PCDH15: variants seen among roughly 807,000 people sequenced by gnomAD.
The protein encoded by PCDH15 is protocadherin related 15.
In PCDH15, 129 loss-of-function variants were observed where a neutral mutation model predicts 178.5. That is an observed-to-expected ratio of 0.72 (90% CI 0.63 to 0.84). The LOEUF (loss-of-function observed/expected upper bound fraction) is 0.84, where lower values mean the gene tolerates loss of function less well. PCDH15 is among the 40% of genes least tolerant of loss of function. PCDH15 has a pLI of 0.00. For synonymous variants in PCDH15, 800 were observed against 732.0 expected (o/e 1.09, Z -1.50); for missense variants, 2,230 against 2,099.9 (o/e 1.06, Z -1.21).
intron 3 of PCDH15, among the ~76,000 whole-genome samples, chr10:54,525,453 C>T (rs564118444): frequency 4.6e-5 from 7 of 152,204 alleles, no homozygotes; most frequent in Non-Finnish European, 1.0e-4. Flanking sequence ...ATAAGTATTT[C>T]TTTTCTTTCT....
chr10:54,555,033 C>T (rs2087024259), intron 2 of PCDH15, among the ~76,000 whole-genome samples: 1 of 152,120 alleles, frequency 6.6e-6, no homozygotes, highest in Admixed American at 6.5e-5. Flanking sequence ...AGCTATTCTG[C>T]ACTAACTGTG....
chr10:55,126,042 C>G (rs1446611231), intron 2 of PCDH15, among the ~76,000 whole-genome samples: 1 of 152,010 alleles, frequency 6.6e-6, no homozygotes, highest in Non-Finnish European at 1.5e-5. Flanking sequence ...AGGGGATACT[C>G]ACAGGTCCCC....
chr10:54,002,443 CACAAA>C (rs931760887), intron 20 of PCDH15, among the ~76,000 whole-genome samples: 1 of 152,080 alleles, frequency 6.6e-6, no homozygotes, highest in African/African-American at 2.4e-5. Flanking sequence ...TACCTTAGGT[CACAAA>C]ACAAGTCTTA....
At chr10:54,334,324 C>G (rs1564995393) in intron 6 of PCDH15, among the ~76,000 whole-genome samples, 1 of 152,144 alleles carries the variant, frequency 6.6e-6, no homozygotes, top group Non-Finnish European at 1.5e-5. Context: ...CCACGCCACA[C>G]ACATTCACAT....
chr10:55,456,026 C>G (rs1340628543), intron 2 of PCDH15, among the ~76,000 whole-genome samples: 5 of 152,032 alleles, frequency 3.3e-5, no homozygotes, highest in Non-Finnish European at 5.9e-5. Context: ...TCACAGATAG[C>G]CAACTCATCA....
chr10:54,669,194 G>T (rs116997644), intron 1 of PCDH15, among the ~76,000 whole-genome samples: 1,616 of 152,060 alleles, frequency 0.011, 19 homozygotes, highest in Non-Finnish European at 0.016. Flanking sequence ...AGTACAGAGG[G>T]TACTTATCAC....
chr10:55,189,955 C>T (rs903447467), intron 1 of PCDH15, among the ~76,000 whole-genome samples: 1 of 151,694 alleles, frequency 6.6e-6, no homozygotes, highest in African/African-American at 2.4e-5. Flanking sequence ...TGCATATGTC[C>T]ATCCAAAGAA....
rs1308327764 is a variant in PCDH15, at chr10:54,402,285, G to T, written c.158-23343C>A. Among the ~76,000 whole-genome samples the T allele has an allele frequency of 2.0e-5, 3 of 151,864 alleles. No homozygotes were observed. In the East Asian group the frequency reaches 5.8e-4, roughly 29 times the overall value. ...AAACAGAACTAAATTAAAGCTGACGGGAAGAAGAAGGCAAGATTATACAAT... is the reference window on the plus strand; with the variant it reads ...AAACAGAACTAAATTAAAGCTGACGTGAAGAAGAAGGCAAGATTATACAAT... On this transcript the variant is annotated intron_variant, in intron 3 of 37. Transcript: ENST00000644397.
intron 28 of PCDH15, among the ~76,000 whole-genome samples, chr10:53,845,239 G>A (rs965120365): frequency 1.3e-5 from 2 of 151,718 alleles, no homozygotes; most frequent in African/African-American, 2.4e-5. Context: ...AATGCTGTAA[G>A]GATATGGAGA....
intron 2 of PCDH15, among the ~76,000 whole-genome samples, chr10:55,071,246 C>T (rs112138433): frequency 0.068 from 10,244 of 151,520 alleles, 461 homozygotes; most frequent in African/African-American, 0.11. Context: ...TCACACATAA[C>T]AATATTAACT....
intron 8 of PCDH15, among the ~76,000 whole-genome samples, chr10:54,283,354 G>A (rs895945912): frequency 6.6e-6 from 1 of 152,014 alleles, no homozygotes; most frequent in Non-Finnish European, 1.5e-5. Context: ...CTTTTATATG[G>A]GTAATTTAAC....
chr10:53,882,628 G>T (rs1035442253), intron 26 of PCDH15, among the ~76,000 whole-genome samples: 1 of 152,158 alleles, frequency 6.6e-6, no homozygotes, highest in Admixed American at 6.5e-5. Flanking sequence ...CTCCCAAAGT[G>T]CTGGGATTAC....
At chr10:54,791,029 T>C (rs1041165606) in intron 1 of PCDH15, among the ~76,000 whole-genome samples, 1 of 151,968 alleles carries the variant, frequency 6.6e-6, no homozygotes, top group African/African-American at 2.4e-5. Flanking sequence ...AAAATACTCC[T>C]AGACCAATTA....
At chr10:54,321,749 T>G (rs1405592187) in intron 7 of PCDH15, among the ~76,000 whole-genome samples, 1 of 85,988 alleles carries the variant, frequency 1.2e-5, no homozygotes, top group Non-Finnish European at 2.4e-5. Flanking sequence ...ATAATAGGAG[T>G]TTTTTCTCAT....
chr10:55,328,032 T>C (rs1219194543), intron 2 of PCDH15, among the ~76,000 whole-genome samples: 1 of 152,040 alleles, frequency 6.6e-6, no homozygotes, highest in Non-Finnish European at 1.5e-5. Context: ...ACAACTTTTT[T>C]ATATGAAATA....
intron 2 of PCDH15, among the ~76,000 whole-genome samples, chr10:54,632,050 T>C (rs115192354): frequency 0.01 from 1,569 of 152,094 alleles, 24 homozygotes; most frequent in African/African-American, 0.035. Context: ...TGTCCATAGA[T>C]TGGATAAAGA....
chr10:55,525,423 A>G (rs1163526189), intron 2 of PCDH15, among the ~76,000 whole-genome samples: 1 of 151,870 alleles, frequency 6.6e-6, no homozygotes. Flanking sequence ...TAGATAGATA[A>G]ATAATCTGAG....
At chr10:54,377,907 A>G (rs775929784) in intron 4 of PCDH15, among the ~76,000 whole-genome samples, 2 of 151,852 alleles carry the variant, frequency 1.3e-5, no homozygotes, top group South Asian at 2.1e-4. Flanking sequence ...GAAACATCCA[A>G]CTACGTTGGT....
chr10:55,276,685 A>AT (rs1247487559), intron 1 of PCDH15, among the ~76,000 whole-genome samples: 2 of 151,672 alleles, frequency 1.3e-5, no homozygotes, highest in African/African-American at 2.4e-5. Flanking sequence ...AATTTACCTA[A>AT]TTTTTGTTTG....
Sources: allele counts gnomAD v4.1 joint callset (sites outside exome capture counted in the v4.1 genomes callset), GRCh38; gene constraint gnomAD v4.1.1; transcripts MANE v1.5; gene names NCBI Gene and HGNC (gene_info 2026-07-23, HGNC 2026-07-21).